DLGAP2: variants seen among roughly 807,000 people sequenced by gnomAD.
DLGAP2 encodes the protein disks large-associated protein 2.
DLGAP2 carries 26 observed loss-of-function variants against 100.3 expected under a neutral mutation model. The ratio of observed to expected loss-of-function variants is 0.26; its 90% CI spans 0.19 to 0.36. The LOEUF is 0.36. Among genes scored for constraint, DLGAP2 ranks in the 10% least tolerant of loss-of-function variants. DLGAP2 has a pLI of 1.00. For missense variants in DLGAP2, 1,858 were observed against 1,453.2 expected, an observed-to-expected ratio of 1.28 and a Z score of -4.53; for synonymous variants, 886 against 630.1, an observed-to-expected ratio of 1.41 and a Z score of -6.08.
intron 1 of DLGAP2, among the ~76,000 whole-genome samples, chr8:779,074 C>A (rs906392547): frequency 2.0e-5 from 3 of 152,236 alleles, no homozygotes; most frequent in African/African-American, 4.8e-5. Context: ...CAGAAAAGCG[C>A]AGTATGCGGG....
At chr8:1,542,321 G>C (rs1401988739) in intron 4 of DLGAP2, among the ~76,000 whole-genome samples, 1 of 152,214 alleles carries the variant, frequency 6.6e-6, no homozygotes, top group South Asian at 2.1e-4. Flanking sequence ...TAGATTTACA[G>C]GTATGTGCAA....
chr8:1,126,623 C>T (rs1480925211), intron 2 of DLGAP2, among the ~76,000 whole-genome samples: 1 of 151,812 alleles, frequency 6.6e-6, no homozygotes, highest in African/African-American at 2.4e-5. Context: ...TCAGTAGGGT[C>T]TCGGGGTGAT....
intron 3 of DLGAP2, among the ~76,000 whole-genome samples, chr8:1,316,760 G>T (rs1320864167): frequency 7.0e-6 from 1 of 142,248 alleles, no homozygotes; most frequent in Non-Finnish European, 1.5e-5. Flanking sequence ...AATAGAGCGT[G>T]TGCGAGTACA....
At chr8:1,158,378 G>C (rs1450203466) in intron 2 of DLGAP2, among the ~76,000 whole-genome samples, 3 of 152,218 alleles carry the variant, frequency 2.0e-5, no homozygotes, top group African/African-American at 7.2e-5. Flanking sequence ...TCCCTCAGTA[G>C]ACAGTGTGTG....
At chr8:1,287,899 G>T (rs1252302621) in intron 3 of DLGAP2, among the ~76,000 whole-genome samples, 17 of 147,668 alleles carry the variant, frequency 1.2e-4, no homozygotes, top group Non-Finnish European at 2.4e-4. Flanking sequence ...GTGTGTGTGT[G>T]TGTGTGGTTT....
At chr8:1,217,105 C>T (rs1798229993) in intron 2 of DLGAP2, among the ~76,000 whole-genome samples, 3 of 152,148 alleles carry the variant, frequency 2.0e-5, no homozygotes, top group African/African-American at 7.2e-5. Flanking sequence ...CACTCTCCCT[C>T]CTGCCACCCT....
intron 1 of DLGAP2, among the ~76,000 whole-genome samples, chr8:771,045 C>T (rs1032673335): frequency 6.6e-6 from 1 of 152,086 alleles, no homozygotes; most frequent in Admixed American, 6.5e-5. Context: ...AGACAGGTGC[C>T]TTCCAGCTCC....
At chr8:1,586,601 G>A (rs567294076) in intron 6 of DLGAP2, among the ~76,000 whole-genome samples, 10 of 152,304 alleles carry the variant, frequency 6.6e-5, no homozygotes, top group East Asian at 1.9e-4. Flanking sequence ...GATGTGTAGC[G>A]TAACGTGTTC....
chr8:1,673,464 T>A (rs1798738805), intron 10 of DLGAP2, among the ~76,000 whole-genome samples: 1 of 152,258 alleles, frequency 6.6e-6, no homozygotes, highest in African/African-American at 2.4e-5. Flanking sequence ...CCCTTCAGAC[T>A]TTACCATCCA....
chr8:807,923 C>G (rs888623907), intron 1 of DLGAP2, among the ~76,000 whole-genome samples: 2 of 152,176 alleles, frequency 1.3e-5, no homozygotes, highest in Admixed American at 6.5e-5. Context: ...TGGCGGGGAG[C>G]TAAGAACCGG....
chr8:1,303,052 C>G (rs114047759), intron 3 of DLGAP2, among the ~76,000 whole-genome samples: 1,990 of 152,290 alleles, frequency 0.013, 48 homozygotes, highest in African/African-American at 0.044. Flanking sequence ...TTCCTGGACT[C>G]CACCTCGCAG....
chr8:1,578,185 A>G (rs1234742535), intron 6 of DLGAP2, among the ~76,000 whole-genome samples: 1 of 152,216 alleles, frequency 6.6e-6, no homozygotes, highest in South Asian at 2.1e-4. Flanking sequence ...AAGTGATTCA[A>G]ATGATAAAAA....
At chr8:1,056,897 C>G (rs904244506) in intron 2 of DLGAP2, among the ~76,000 whole-genome samples, 1 of 152,222 alleles carries the variant, frequency 6.6e-6, no homozygotes, top group Non-Finnish European at 1.5e-5. Flanking sequence ...CCCCCTTAAT[C>G]CTCTACCTGC....
chr8:755,941 G>C (rs1226966155), intron 1 of DLGAP2, among the ~76,000 whole-genome samples: 1 of 152,216 alleles, frequency 6.6e-6, no homozygotes, highest in Non-Finnish European at 1.5e-5. Flanking sequence ...TGTGCCCACA[G>C]GTGGTCGGGG....
At chr8:778,863 C>G (rs924612010) in intron 1 of DLGAP2, among the ~76,000 whole-genome samples, 1 of 152,256 alleles carries the variant, frequency 6.6e-6, no homozygotes, top group Non-Finnish European at 1.5e-5. Flanking sequence ...CTGTGGTGGG[C>G]TCCACCCAGT....
At chr8:1,179,303 C>G (rs546129485) in intron 2 of DLGAP2, among the ~76,000 whole-genome samples, 23 of 152,350 alleles carry the variant, frequency 1.5e-4, no homozygotes, top group Non-Finnish European at 3.2e-4. Context: ...CTCATTCCCC[C>G]ACCCCCCATT....
intron 8 of DLGAP2, among the ~76,000 whole-genome samples, chr8:1,638,351 G>C (rs1032566150): frequency 6.6e-6 from 1 of 152,120 alleles, no homozygotes; most frequent in South Asian, 2.1e-4. Context: ...CATGCAGGAA[G>C]GGACCAGCTT....
intron 3 of DLGAP2, among the ~76,000 whole-genome samples, chr8:1,292,409 T>C (rs575392227): frequency 6.6e-6 from 1 of 152,118 alleles, no homozygotes; most frequent in East Asian, 1.9e-4. Context: ...CTGCCTCCAG[T>C]TGGAGGATGG....
At chr8:1,212,198 C>T (rs1176006406) in intron 2 of DLGAP2, among the ~76,000 whole-genome samples, 1 of 152,170 alleles carries the variant, frequency 6.6e-6, no homozygotes, top group Non-Finnish European at 1.5e-5. Flanking sequence ...TGTTCATGAT[C>T]TTTCAATCTT....
Sources: allele counts gnomAD v4.1 joint callset (sites outside exome capture counted in the v4.1 genomes callset), GRCh38; gene constraint gnomAD v4.1.1; transcripts MANE v1.5; gene names NCBI Gene and HGNC (gene_info 2026-07-23, HGNC 2026-07-21).